The following FCRLA variants were observed in gnomAD, a reference collection of about 807,000 sequenced individuals.
FCRLA encodes Fc receptor-like A.
FCRLA carries 26 observed loss-of-function variants against 28.4 expected under a neutral mutation model. That is an observed-to-expected ratio of 0.91 (90% CI 0.67 to 1.27). The LOEUF is 1.27. Ranked by LOEUF, FCRLA falls within the 50% of genes most tolerant of loss-of-function variation. FCRLA has a pLI of 0.00. For synonymous variants in FCRLA, 174 were observed against 168.5 expected, an observed-to-expected ratio of 1.03 and a Z score of -0.25; for missense variants, 422 against 433.1, an observed-to-expected ratio of 0.97 and a Z score of 0.23.
Position 161,712,237 on chromosome 1 carries a change from G to A in FCRLA, c.784+19G>A. ...GTGCAGGGTGAGTTCGCATCAGAGT[G>A]CAGGTTGTCTGTTTGGCATGCGTGT... On this transcript the variant is annotated intron_variant, in intron 4 of 4. Transcript: ENST00000236938. 6.3e-7 allele frequency: 1 copy of A among 1,599,828 alleles called. No homozygotes were observed. The highest frequency in any genetic ancestry group is 8.5e-7 in the Non-Finnish European group (1 of 1,171,594).
chr1:161,712,303 G>C (rs1683143057), intron 4 of FCRLA, 85 bp downstream of exon 4: 2 of 1,499,930 alleles, frequency 1.3e-6, no homozygotes, highest in Non-Finnish European at 1.8e-6. Flanking sequence ...CTGTGAGCTG[G>C]GGTTCAGTGT....
In FCRLA at chr1:161,710,899, G is replaced by A; in HGVS notation, c.219G>A (p.Leu73=). Residue 73 remains leucine (L), a synonymous_variant, in exon 2 of 5, where the codon CTG becomes CTA. Coordinates refer to ENST00000236938, the MANE Select transcript of FCRLA (RefSeq NM_032738.4). ...ACACTTTCAGTGAACCCTTCCACCT[G>A]ATTGTGTCCTATGGTGAGGTCCTGG... ...KAYTFSEPFH[L]IVSYDWLILQ... The A allele has an allele frequency of 6.2e-7, 1 of 1,613,078 alleles. No individual in the cohort carries two copies. Among genetic ancestry groups the A allele is most frequent in the African/African-American group, 1.3e-5 (1 of 75,018 alleles).
intron 1 of FCRLA, among the ~76,000 whole-genome samples, chr1:161,709,118 G>GATTTTATTTTATTTT (rs59658519): frequency 6.6e-6 from 1 of 152,006 alleles, no homozygotes; most frequent in African/African-American, 2.4e-5. Flanking sequence ...AACCCAACAA[G>GATTTTATTTTATTTT]ATTTTATTTT....
chr1:161,713,151 C>T lies in FCRLA; in HGVS notation c.851C>T (p.Thr284Ile). The T allele has an allele frequency of 6.2e-7, 1 of 1,614,254 alleles. No individual in the cohort carries two copies. Among genetic ancestry groups the T allele is most frequent in the Non-Finnish European group, 8.5e-7 (1 of 1,180,052 alleles). The change falls in exon 5 of 5, where the codon ACT (threonine) becomes ATT (isoleucine). Residue 284 changes from threonine to isoleucine, a missense_variant. This residue lies in a region of FCRLA where 185 missense variants were observed against 198.1 expected (regional missense o/e 0.93). Coordinates refer to ENST00000236938, the MANE Select transcript of FCRLA (RefSeq NM_032738.4). ...PAPQKSAAPGTAPEEAPGPLP... is the reference protein window; with the variant it reads ...PAPQKSAAPGIAPEEAPGPLP... ...CCTCAGAAATCAGCTGCTCCAGGAACTGCTCCTGAGGAGGCCCCTGGGCCT... is the reference window on the plus strand; with the variant it reads ...CCTCAGAAATCAGCTGCTCCAGGAATTGCTCCTGAGGAGGCCCCTGGGCCT...
intron 3 of FCRLA, 175 bp downstream of exon 3, chr1:161,711,649 T>C (rs1683108480): frequency 1.2e-6 from 1 of 835,930 alleles, no homozygotes; most frequent in South Asian, 1.8e-5. Flanking sequence ...TTTGAAGTCA[T>C]CCAGCCCCAC....
intron 1 of FCRLA, among the ~76,000 whole-genome samples, chr1:161,709,741 ATAGT>A (rs1683005765): frequency 2.0e-5 from 3 of 152,128 alleles, no homozygotes; most frequent in Non-Finnish European, 2.9e-5. Flanking sequence ...GAGGGGGAGA[ATAGT>A]TAGGGAGATA....
chr1:161,712,572 G>T (rs1263318074), intron 4 of FCRLA, among the ~76,000 whole-genome samples: 2 of 152,212 alleles, frequency 1.3e-5, no homozygotes, highest in African/African-American at 2.4e-5. Flanking sequence ...GGGAGCCACT[G>T]TTAAGAGGCT....
At chr1:161,712,268 A>C (rs775761328) in intron 4 of FCRLA, 50 bp downstream of exon 4, 1 of 1,570,460 alleles carries the variant, frequency 6.4e-7, no homozygotes, top group Non-Finnish European at 8.6e-7. Flanking sequence ...CGTGTGAGTG[A>C]AAAGGAGGGA....
rs765156679 is a variant in FCRLA at position 161,710,860 on chromosome 1, C to T, written c.180C>T (p.Phe60=). The part of the protein sequence containing the change: ...DDLTDAREAG[F]QVKAYTFSEP... ...TGACTGATGCAAGGGAAGCTGGCTT[C>T]CAGGTCAAGGCCTACACTTTCAGTG... is the stretch of plus-strand genomic sequence containing the variant. Residue 60 remains phenylalanine (F), a synonymous_variant, in exon 2 of 5, where the codon TTC becomes TTT. Coordinates refer to ENST00000236938, the MANE Select transcript of FCRLA (RefSeq NM_032738.4). The T allele has an allele frequency of 6.2e-6, 10 of 1,613,886 alleles. 1 individual carries two copies. The South Asian group carries it at 1.1e-4, about 18-fold the overall frequency.
intron 3 of FCRLA, 111 bp downstream of exon 3, chr1:161,711,585 C>T (rs1316212683): frequency 2.2e-6 from 3 of 1,393,424 alleles, no homozygotes; most frequent in Non-Finnish European, 2.9e-6. Flanking sequence ...GACTATGGAG[C>T]AGGTTGCTGG....
chr1:161,707,720 G>A (rs922730221), intron 1 of FCRLA, among the ~76,000 whole-genome samples: 2 of 152,114 alleles, frequency 1.3e-5, no homozygotes, highest in Admixed American at 6.5e-5. Context: ...AGGGCACAAC[G>A]ATCTCTATAT....
chr1:161,712,383 A>C (rs1212509845), intron 4 of FCRLA, among the ~76,000 whole-genome samples, 165 bp downstream of exon 4: 2 of 152,228 alleles, frequency 1.3e-5, no homozygotes, highest in Admixed American at 1.3e-4. Flanking sequence ...GAGAGACAGC[A>C]CAAATAGAGA....
At position 161,713,187 on chromosome 1, in the gene FCRLA, C is replaced by A. The variant is rs202170585; in HGVS notation, c.887C>A (p.Pro296Gln). 11 of 1,614,246 alleles carry A rather than the reference C, an allele frequency of 6.8e-6. No homozygotes were observed. In the East Asian group the frequency reaches 2.2e-4, roughly 33 times the overall value. Residue 296 changes from proline (P) to glutamine (Q), a missense_variant, in exon 5 of 5, where the codon CCG (proline) becomes CAG (glutamine). Physicochemically the swap from Pro to Gln is moderately conservative, Grantham distance 76 (BLOSUM62 -1). Around this residue, in one of 3 missense-constraint regions of FCRLA, gnomAD observed 185 missense variants for 198.1 expected, o/e 0.93. Transcript: ENST00000236938. ...PEEAPGPLPP[P>Q]PTPSSEDPGF... ...GAGGCCCCTGGGCCTCTGCCTCCGC[C>A]GCCAACCCCATCTTCTGAGGATCCA...
intron 1 of FCRLA, chr1:161,710,346 T>G: frequency 1.3e-6 from 1 of 794,940 alleles, no homozygotes; most frequent in Non-Finnish European, 2.1e-6. Context: ...TGAAGTTAGA[T>G]ACTGCACACA....
intron 1 of FCRLA, 42 bp downstream of exon 1, chr1:161,707,385 G>T: frequency 6.5e-7 from 1 of 1,534,940 alleles, no homozygotes. Flanking sequence ...ATGGAGCTTT[G>T]CTTACCTTGG....
chr1:161,712,246 CTGTT>C (rs772882586), intron 4 of FCRLA, 28 bp downstream of exon 4: 2 of 1,594,318 alleles, frequency 1.3e-6, no homozygotes, highest in South Asian at 1.1e-5. Context: ...TGCAGGTTGT[CTGTT>C]TGGCATGCGT....
chr1:161,708,394 C>G (rs1349022182), intron 1 of FCRLA, among the ~76,000 whole-genome samples: 1 of 152,244 alleles, frequency 6.6e-6, no homozygotes, highest in African/African-American at 2.4e-5. Flanking sequence ...AGCCCTCATC[C>G]TCTATGACTT....
Position 161,713,296 on chromosome 1 carries a change from A to C in FCRLA, c.996A>C (p.Arg332Ser), listed in dbSNP as rs562417986. The part of the protein sequence containing the change: ...GLLLKHMQDV[R>S]VLLGHLLMEL... The stretch of plus-strand genomic sequence containing the variant: ...TTCTCAAACACATGCAGGATGTGAG[A>C]GTCCTCCTCGGTCACCTGCTCATGG... Residue 332 changes from arginine to serine, a missense_variant, in exon 5 of 5, where the codon AGA (arginine) becomes AGC (serine). Physicochemically the swap from Arg to Ser is moderately radical, Grantham distance 110. Transcript: ENST00000236938. 44 of 1,614,106 alleles carry C rather than the reference A, an allele frequency of 2.7e-5. No individual in the cohort carries two copies. Among genetic ancestry groups the C allele is most frequent in the Non-Finnish European group, 2.9e-5 (34 of 1,180,046 alleles).
intron 1 of FCRLA, among the ~76,000 whole-genome samples, chr1:161,708,468 C>T (rs555573047): frequency 6.6e-6 from 1 of 152,332 alleles, no homozygotes; most frequent in South Asian, 2.1e-4. Context: ...GAAATGAATT[C>T]TGTACCCTGC....
Sources: allele counts gnomAD v4.1 joint callset (sites outside exome capture counted in the v4.1 genomes callset), GRCh38; gene constraint gnomAD v4.1.1; regional missense constraint gnomAD v4.1.1; transcripts MANE v1.5; gene names NCBI Gene and HGNC (gene_info 2026-07-23, HGNC 2026-07-21).